Variants in PCDHA5 observed in about 807,000 individuals in gnomAD.
PCDHA5 encodes the protein protocadherin alpha-5.
Under a neutral mutation model 61.6 loss-of-function variants are expected in PCDHA5, and 43 were observed. The observed-to-expected ratio is 0.70, with a 90% confidence interval of 0.55 to 0.90. The LOEUF (loss-of-function observed/expected upper bound fraction) is 0.90. Ranked by LOEUF, PCDHA5 falls within the 40% of genes least tolerant of loss-of-function variation. PCDHA5 has a pLI of 0.00. For missense variants in PCDHA5, 1,298 were observed against 1,222.7 expected, an observed-to-expected ratio of 1.06 and a Z score of -0.92; for synonymous variants, 627 against 543.9, an observed-to-expected ratio of 1.15 and a Z score of -2.13.
chr5:140,877,184 G>C (rs1554169429), intron 1 of PCDHA5: 1 of 1,613,842 alleles, frequency 6.2e-7, no homozygotes. Context: ...ACTCCGGCTG[G>C]CAGCGCAGGA....
intron 1 of PCDHA5, among the ~76,000 whole-genome samples, chr5:140,965,009 T>C (rs2153742434): frequency 6.6e-6 from 1 of 152,248 alleles, no homozygotes; most frequent in South Asian, 2.1e-4. Context: ...GGTGTCAGGA[T>C]CACAACCTTG....
rs2150522888 is a variant in PCDHA5 at position 140,852,815 on chromosome 5, T to G, written c.2352+28688T>G. 1.8e-5 allele frequency: 18 copies of G among 973,398 alleles called. No homozygotes were observed. In the East Asian group the frequency reaches 1.4e-3, roughly 74 times the overall value. 60.3% of individuals were successfully genotyped at this position (973,398 alleles called of 1,614,324 possible). On this transcript the variant is annotated intron_variant, in intron 1 of 3. Coordinates refer to ENST00000529859, the MANE Select transcript of PCDHA5 (RefSeq NM_018908.3). ...TACAGATGTCATTTGTCTCCCGCCC[T>G]AAGTCCTCCAGTCTCCTTAGAGCTA...
intron 1 of PCDHA5, chr5:140,841,257 C>T: frequency 1.3e-6 from 2 of 1,515,268 alleles, no homozygotes; most frequent in Non-Finnish European, 1.8e-6. Context: ...TTAAAAGACT[C>T]TGAAAGTACA....
chr5:140,870,009 G>T, intron 1 of PCDHA5: 2 of 1,613,488 alleles, frequency 1.2e-6, no homozygotes, highest in Non-Finnish European at 1.7e-6. Flanking sequence ...GAGAAGTGAG[G>T]GTCAATGGAA....
At chr5:140,870,993 A>G in intron 1 of PCDHA5, 1 of 1,613,424 alleles carries the variant, frequency 6.2e-7, no homozygotes, top group South Asian at 1.1e-5. Context: ...CGGGCGAGAT[A>G]AGCACAACGC....
intron 1 of PCDHA5, chr5:140,928,720 A>G (rs2085475122): frequency 6.2e-7 from 1 of 1,614,076 alleles, no homozygotes. Flanking sequence ...TAGTCTCTTT[A>G]GAATTTCAGC....
At position 140,843,135 on chromosome 5, in the gene PCDHA5, C is replaced by T. The variant is rs2150353649; in HGVS notation, c.2352+19008C>T. 5 of 1,596,024 alleles carry T rather than the reference C, an allele frequency of 3.1e-6. No individual in the cohort carries two copies. The highest frequency in any genetic ancestry group is 3.4e-6 in the Non-Finnish European group (4 of 1,165,590). On this transcript the variant is annotated intron_variant, in intron 1 of 3. Transcript: ENST00000529859. ...GTGGACGCCGACTCGGGCTACAACG[C>T]GTGGCTTTCGTATGAGCTGCAGCCA...
At chr5:140,929,395 C>G (rs1317256449) in intron 1 of PCDHA5, 8 of 1,510,412 alleles carry the variant, frequency 5.3e-6, no homozygotes, top group Non-Finnish European at 5.3e-6. Flanking sequence ...TGAAATATTT[C>G]TTAGACAAGC....
chr5:140,900,912 A>AGAT (rs553485999), intron 1 of PCDHA5, among the ~76,000 whole-genome samples: 1 of 152,198 alleles, frequency 6.6e-6, no homozygotes, highest in Non-Finnish European at 1.5e-5. Context: ...AACTGTGGTA[A>AGAT]GATGATATCT....
chr5:140,847,454 A>C (rs1187460467), intron 1 of PCDHA5: 1 of 149,898 alleles, frequency 6.7e-6, no homozygotes, highest in Non-Finnish European at 1.5e-5. Flanking sequence ...ATCTAGATTT[A>C]ATTAATCGAC....
intron 1 of PCDHA5, chr5:140,830,208 C>T (rs2150182754): frequency 2.0e-5 from 32 of 1,613,688 alleles, no homozygotes; most frequent in Non-Finnish European, 2.6e-5. Context: ...GCCATCTGCG[C>T]GGTATCCAGC....
intron 1 of PCDHA5, among the ~76,000 whole-genome samples, chr5:140,973,426 C>T (rs1554235288): frequency 6.6e-6 from 1 of 152,192 alleles, no homozygotes; most frequent in East Asian, 1.9e-4. Flanking sequence ...GTTTTTCATC[C>T]TCTGATGGTC....
intron 1 of PCDHA5, chr5:140,929,303 A>G (rs782378312): frequency 1.1e-5 from 17 of 1,586,722 alleles, no homozygotes; most frequent in Non-Finnish European, 1.1e-5. Context: ...AGGAAAGGGG[A>G]TCACGCTAAT....
rs114851794 is a variant in PCDHA5, at chr5:140,908,247, A to G, written c.2353-70702A>G. ...GTCCTTAGTCTTCTCTTCCTCATCA[A>G]CTGATCATAGGGAACTCCCCATGAG... On this transcript the variant is annotated intron_variant, in intron 1 of 3. Coordinates refer to ENST00000529859, the MANE Select transcript of PCDHA5 (RefSeq NM_018908.3). Among the ~76,000 whole-genome samples, 435 of 152,170 alleles carry G rather than the reference A, an allele frequency of 2.9e-3. 1 individual carries two copies. Among genetic ancestry groups the G allele is most frequent in the African/African-American group, 9.6e-3 (400 of 41,506 alleles).
intron 1 of PCDHA5, among the ~76,000 whole-genome samples, chr5:140,904,512 C>A (rs1251570223): frequency 2.0e-5 from 3 of 151,738 alleles, no homozygotes; most frequent in African/African-American, 7.3e-5. Flanking sequence ...GTGAATTGTG[C>A]TGCTATAAAC....
intron 1 of PCDHA5, chr5:140,857,954 C>G: frequency 6.3e-7 from 1 of 1,597,286 alleles, no homozygotes; most frequent in South Asian, 1.1e-5. Flanking sequence ...GACGCGCGCT[C>G]TGGATGAGAC....
intron 1 of PCDHA5, chr5:140,849,719 G>T (rs1386986772): frequency 6.3e-7 from 1 of 1,598,444 alleles, no homozygotes; most frequent in African/African-American, 1.3e-5. Context: ...ACTCGTTGGT[G>T]CTGGACAGAG....
intron 1 of PCDHA5, chr5:140,858,161 G>A (rs1409243603): frequency 1.3e-6 from 2 of 1,597,720 alleles, no homozygotes; most frequent in African/African-American, 2.7e-5. Context: ...CATCTGCGCG[G>A]TGTCCAGCTT....
chr5:140,850,244 G>GTCGGT, intron 1 of PCDHA5: 1 of 1,593,676 alleles, frequency 6.3e-7, no homozygotes, highest in South Asian at 1.1e-5. Context: ...TGGTGCTGCG[G>GTCGGT]TCGGTGGGCG....
Sources: allele counts gnomAD v4.1 joint callset (sites outside exome capture counted in the v4.1 genomes callset), GRCh38; gene constraint gnomAD v4.1.1; transcripts MANE v1.5; gene names NCBI Gene and HGNC (gene_info 2026-07-23, HGNC 2026-07-21).